Variants in AGK observed in about 807,000 individuals in gnomAD.
AGK encodes acylglycerol kinase.
In AGK, 52 loss-of-function variants were observed where a neutral mutation model predicts 66.4. That is an observed-to-expected ratio of 0.78 (90% CI 0.63 to 0.99). AGK has a LOEUF of 0.99. Among genes scored for constraint, AGK ranks in the 50% least tolerant of loss-of-function variants. The pLI, the probability that AGK is intolerant of heterozygous loss-of-function variation, is 0.00. For missense variants in AGK, 451 were observed against 506.6 expected (o/e 0.89, Z 1.05); for synonymous variants, 182 against 181.1 (o/e 1.00, Z -0.04).
chr7:141,644,084 A>C (rs1341793407), intron 13 of AGK, among the ~76,000 whole-genome samples: 1 of 139,586 alleles, frequency 7.2e-6, no homozygotes. Context: ...GAAAGTGGAT[A>C]TGTGAATGCT....
intron 11 of AGK, 133 bp from the exon 12 acceptor site, chr7:141,641,115 C>A: frequency 2.8e-6 from 2 of 710,994 alleles, no homozygotes; most frequent in Non-Finnish European, 4.4e-6. Flanking sequence ...ACTAGCATTC[C>A]ATCCAGTGAG....
chr7:141,644,597 T>C lies in AGK; in HGVS notation c.975+2689T>C, dbSNP rs567149275. 1.5e-4 allele frequency among the ~76,000 whole-genome samples: 23 copies of C among 152,302 alleles called. 1 individual carries two copies. In the South Asian group the frequency reaches 4.6e-3, roughly 30 times the overall value. On this transcript the variant is annotated intron_variant, in intron 13 of 15. Transcript: ENST00000649286. Reference sequence around the variant, plus strand: ...CTGTATAATAGTAAAATATTTGCAATGAACTAATCAGACTGAATAAATTTT... The same window carrying C: ...CTGTATAATAGTAAAATATTTGCAACGAACTAATCAGACTGAATAAATTTT...
intron 11 of AGK, 32 bp downstream of exon 11, chr7:141,637,049 G>A (rs754106020): frequency 5.1e-6 from 8 of 1,581,390 alleles, no homozygotes; most frequent in South Asian, 4.6e-5. Flanking sequence ...GAAATTTGCT[G>A]TGTTATTTTG....
Position 141,591,087 on chromosome 7 carries a change from T to G in AGK, c.102-2059T>G, listed in dbSNP as rs990175534. On this transcript the variant is annotated intron_variant, in intron 2 of 15. Transcript: ENST00000649286. Reference sequence around the variant, plus strand: ...TAAAACATGGTTCTTAAGTTGTTTTTTTTTTTTTTTTTTTTTTTTTTTGAG... The same window carrying G: ...TAAAACATGGTTCTTAAGTTGTTTTGTTTTTTTTTTTTTTTTTTTTTTGAG... Among the ~76,000 whole-genome samples the G allele has an allele frequency of 3.7e-3, 467 of 127,536 alleles. 18 individuals are homozygous for G. The highest frequency in any genetic ancestry group is 0.015 in the African/African-American group (447 of 30,380). 83.7% of individuals were successfully genotyped at this position (127,536 alleles called of 152,430 possible). A position where few individuals can be genotyped will look rare whatever the true frequency, so the allele number is the denominator to read the frequency against.
chr7:141,607,557 T>C (rs1796491859), intron 5 of AGK, among the ~76,000 whole-genome samples: 1 of 152,214 alleles, frequency 6.6e-6, no homozygotes, highest in South Asian at 2.1e-4. Flanking sequence ...CTATGCATTT[T>C]GCATATATTC....
At chr7:141,552,020 CA>C (rs1345598213) in intron 1 of AGK, among the ~76,000 whole-genome samples, 1 of 152,176 alleles carries the variant, frequency 6.6e-6, no homozygotes, top group Non-Finnish European at 1.5e-5. Flanking sequence ...ACTATTCAAC[CA>C]GTCACCCAAG....
chr7:141,614,465 T>G (rs1469076394), intron 7 of AGK, among the ~76,000 whole-genome samples: 2 of 152,110 alleles, frequency 1.3e-5, no homozygotes, highest in Non-Finnish European at 2.9e-5. Flanking sequence ...TAAAAGAAAT[T>G]GTGGCATATT....
At chr7:141,643,465 G>A (rs1797334469) in intron 13 of AGK, among the ~76,000 whole-genome samples, 1 of 152,112 alleles carries the variant, frequency 6.6e-6, no homozygotes, top group Non-Finnish European at 1.5e-5. Context: ...TGATGCATTT[G>A]TCTTTTTATT....
At chr7:141,591,463 C>T (rs532622623) in intron 2 of AGK, among the ~76,000 whole-genome samples, 9 of 152,158 alleles carry the variant, frequency 5.9e-5, no homozygotes, top group Non-Finnish European at 1.2e-4. Flanking sequence ...TTAGTGAAGC[C>T]GCCTGCTTTG....
chr7:141,630,073 T>C (rs1419116016), intron 9 of AGK, among the ~76,000 whole-genome samples: 1 of 152,200 alleles, frequency 6.6e-6, no homozygotes. Context: ...TATTTTCCAA[T>C]TTATTTCACC....
chr7:141,649,214 A>G (rs776623158), intron 13 of AGK, 49 bp from the exon 14 acceptor site: 3 of 1,343,500 alleles, frequency 2.2e-6, no homozygotes, highest in Admixed American at 3.4e-5. Context: ...AACAGGCTGC[A>G]TTAGCCAAAT....
intron 2 of AGK, among the ~76,000 whole-genome samples, chr7:141,578,571 T>C (rs1208967574): frequency 2.0e-5 from 3 of 151,662 alleles, no homozygotes; most frequent in Non-Finnish European, 4.4e-5. Context: ...GGAGAGATAA[T>C]GGGCGATGTT....
At chr7:141,575,544 G>A (rs1795716037) in intron 2 of AGK, among the ~76,000 whole-genome samples, 2 of 151,052 alleles carry the variant, frequency 1.3e-5, no homozygotes, top group African/African-American at 2.4e-5. Flanking sequence ...TTCAGGGTGT[G>A]TAGAGAGGTT....
chr7:141,569,561 T>C (rs1316369529), intron 2 of AGK, among the ~76,000 whole-genome samples: 1 of 152,094 alleles, frequency 6.6e-6, no homozygotes, highest in Non-Finnish European at 1.5e-5. Context: ...ATAATAATAA[T>C]AGCTAATACT....
At chr7:141,582,108 C>T (rs897221274) in intron 2 of AGK, among the ~76,000 whole-genome samples, 1 of 151,998 alleles carries the variant, frequency 6.6e-6, no homozygotes, top group Non-Finnish European at 1.5e-5. Flanking sequence ...TCAAGAAGAT[C>T]TGGGAAGGAG....
At chr7:141,648,548 C>G (rs1157946341) in intron 13 of AGK, among the ~76,000 whole-genome samples, 3 of 152,096 alleles carry the variant, frequency 2.0e-5, no homozygotes, top group African/African-American at 4.8e-5. Context: ...TGAACCTACC[C>G]CAAAAGAAAC....
At chr7:141,611,436 A>C (rs1796587337) in intron 6 of AGK, 149 bp downstream of exon 6, 2 of 502,334 alleles carry the variant, frequency 4.0e-6, no homozygotes, top group Non-Finnish European at 6.8e-6. Flanking sequence ...TATAGCTTTA[A>C]ATTTTTCTCC....
chr7:141,630,481 C>T (rs570661414), intron 9 of AGK, among the ~76,000 whole-genome samples: 16 of 152,122 alleles, frequency 1.1e-4, no homozygotes, highest in South Asian at 2.1e-4. Context: ...ATTTAATCAT[C>T]CCACATGTCA....
chr7:141,554,068 A>T (rs1795156821), intron 1 of AGK, among the ~76,000 whole-genome samples: 1 of 152,174 alleles, frequency 6.6e-6, no homozygotes, highest in African/African-American at 2.4e-5. Flanking sequence ...AGCCAGGTGC[A>T]GTGGCTCACG....
Sources: allele counts gnomAD v4.1 joint callset (sites outside exome capture counted in the v4.1 genomes callset), GRCh38; gene constraint gnomAD v4.1.1; transcripts MANE v1.5; gene names NCBI Gene and HGNC (gene_info 2026-07-23, HGNC 2026-07-21).